The following DMXL1 variants were observed in gnomAD, a reference collection of about 807,000 sequenced individuals.
DMXL1 encodes the protein dmX-like protein 1.
In DMXL1, 99 loss-of-function variants were observed where a neutral mutation model predicts 319.2. The ratio of observed to expected loss-of-function variants is 0.31; its 90% CI spans 0.26 to 0.37. The LOEUF is 0.37. Among genes scored for constraint, DMXL1 ranks in the 10% least tolerant of loss-of-function variants. The pLI is 1.00. For synonymous variants in DMXL1, 1,385 were observed against 1,235.2 expected (o/e 1.12, Z -2.54); for missense variants, 3,745 against 3,595.6 (o/e 1.04, Z -1.06).
intron 17 of DMXL1, 113 bp downstream of exon 17, chr5:119,147,583 A>G: frequency 1.5e-6 from 1 of 688,126 alleles, no homozygotes; most frequent in East Asian, 2.7e-5. Flanking sequence ...AGAAATGGAA[A>G]TAATATATTC....
At chr5:119,134,822 GC>G (rs1345464655) in intron 13 of DMXL1, among the ~76,000 whole-genome samples, 1 of 152,208 alleles carries the variant, frequency 6.6e-6, no homozygotes, top group Non-Finnish European at 1.5e-5. Context: ...TAAGGCTTTT[GC>G]CTTATGACAG....
At chr5:119,198,826 G>C (rs184940687) in intron 32 of DMXL1, among the ~76,000 whole-genome samples, 2 of 152,170 alleles carry the variant, frequency 1.3e-5, no homozygotes, top group Non-Finnish European at 2.9e-5. Flanking sequence ...AACTCACATC[G>C]TGAGGATTTG....
At chr5:119,213,039 C>G (rs1783076015) in intron 34 of DMXL1, among the ~76,000 whole-genome samples, 2 of 152,202 alleles carry the variant, frequency 1.3e-5, no homozygotes, top group African/African-American at 4.8e-5. Flanking sequence ...GGAGGAAAAG[C>G]ACAAACCCTG....
In DMXL1 at chr5:119,237,432, A is replaced by AC; in HGVS notation, c.8559+20dup. On this transcript the variant is annotated intron_variant, in intron 40 of 43. Transcript: ENST00000539542. ...CATACCTGGTAAGCCAAGAATTTCTACCTTTAAATAAAATTTGAATTTTCA... is the reference window on the plus strand; with the variant it reads ...CATACCTGGTAAGCCAAGAATTTCTACCCTTTAAATAAAATTTGAATTTTCA... 1 of 1,482,152 alleles carries AC rather than the reference A, an allele frequency of 6.7e-7. No homozygotes were observed. Among genetic ancestry groups the AC allele is most frequent in the Non-Finnish European group, 9.3e-7 (1 of 1,072,420 alleles). 91.8% of individuals were successfully genotyped at this position (1,482,152 alleles called of 1,614,324 possible).
chr5:119,243,018 A>C (rs536644707), intron 42 of DMXL1, among the ~76,000 whole-genome samples: 1 of 152,186 alleles, frequency 6.6e-6, no homozygotes, highest in Non-Finnish European at 1.5e-5. Context: ...AATTGGATAG[A>C]AGTCAGAATA....
chr5:119,117,949 A>G (rs1427967225), intron 7 of DMXL1, among the ~76,000 whole-genome samples: 5 of 152,338 alleles, frequency 3.3e-5, no homozygotes, highest in South Asian at 4.1e-4. Flanking sequence ...TCAGATATGT[A>G]TGCTGGAACA....
At chr5:119,139,152 A>G (rs76719922) in intron 13 of DMXL1, among the ~76,000 whole-genome samples, 3,235 of 152,248 alleles carry the variant, frequency 0.021, 128 homozygotes, top group African/African-American at 0.073. Flanking sequence ...TTGAATGGAA[A>G]GATCACTACC....
intron 35 of DMXL1, among the ~76,000 whole-genome samples, chr5:119,218,845 A>G (rs954842556): frequency 6.6e-6 from 1 of 152,156 alleles, no homozygotes; most frequent in African/African-American, 2.4e-5. Flanking sequence ...AATGCCATTG[A>G]GATTTTTTTT....
At chr5:119,205,408 CATG>C (rs1182781165) in intron 33 of DMXL1, among the ~76,000 whole-genome samples, 4 of 152,006 alleles carry the variant, frequency 2.6e-5, no homozygotes. Context: ...TTTGGAGTTT[CATG>C]ATATCTCAAG....
At chr5:119,210,831 C>A (rs1782677646) in intron 34 of DMXL1, among the ~76,000 whole-genome samples, 1 of 144,852 alleles carries the variant, frequency 6.9e-6, no homozygotes. Context: ...AAGTGATCAC[C>A]AGCAGACATT....
chr5:119,096,798 G>T (rs1756076345), intron 1 of DMXL1, among the ~76,000 whole-genome samples: 1 of 152,190 alleles, frequency 6.6e-6, no homozygotes, highest in Non-Finnish European at 1.5e-5. Context: ...ACTTTCTTTT[G>T]TTGTGATGAC....
Position 119,148,771 on chromosome 5 carries a change from T to C in DMXL1, c.2944T>C (p.Cys982Arg), listed in dbSNP as rs1358552340. ...GAGTTCATCTTCTATATATCCTGCA[T>C]GCAGTGCTCCTTATTTATTGGCAAC... The part of the protein sequence containing the change: ...HLSSSSIYPA[C>R]SAPYLLATSC... Residue 982 changes from cysteine to arginine, a missense_variant, in exon 18 of 44, where the codon TGC becomes CGC. Transcript: ENST00000539542. The C allele has an allele frequency of 6.2e-7, 1 of 1,613,502 alleles. No homozygotes were observed. The highest frequency in any genetic ancestry group is 8.5e-7 in the Non-Finnish European group (1 of 1,179,600).
At chr5:119,120,633 C>G (rs1761837620) in intron 8 of DMXL1, among the ~76,000 whole-genome samples, 1 of 152,124 alleles carries the variant, frequency 6.6e-6, no homozygotes, top group African/African-American at 2.4e-5. Flanking sequence ...GTAGAGATAT[C>G]AGTCACAAAC....
intron 34 of DMXL1, among the ~76,000 whole-genome samples, chr5:119,211,308 G>A (rs1782767688): frequency 6.6e-6 from 1 of 151,994 alleles, no homozygotes; most frequent in Non-Finnish European, 1.5e-5. Context: ...TTAATTTTGG[G>A]GAATAATTTT....
chr5:119,147,231 T>G lies in DMXL1; in HGVS notation c.2690-18T>G, dbSNP rs1768769624. On this transcript the variant is annotated intron_variant, in intron 16 of 43. Coordinates refer to ENST00000539542, the MANE Select transcript of DMXL1 (RefSeq NM_001290321.3). ...GTTCCCCTGCCTCAGTTTTTGGTTCTTTTCTTATGTTTTGTAGATGAAAAA... is the reference window on the plus strand; with the variant it reads ...GTTCCCCTGCCTCAGTTTTTGGTTCGTTTCTTATGTTTTGTAGATGAAAAA... The G allele has an allele frequency of 6.2e-7, 1 of 1,604,030 alleles. No homozygotes were observed. The highest frequency in any genetic ancestry group is 2.2e-5 in the East Asian group (1 of 44,752).
chr5:119,227,592 A>G (rs1477362606), intron 38 of DMXL1, among the ~76,000 whole-genome samples: 1 of 151,942 alleles, frequency 6.6e-6, no homozygotes, highest in South Asian at 2.1e-4. Flanking sequence ...ATATATGTAC[A>G]GTACCAGGCC....
intron 7 of DMXL1, among the ~76,000 whole-genome samples, chr5:119,116,816 T>A (rs948165603): frequency 2.0e-5 from 3 of 152,034 alleles, no homozygotes; most frequent in Admixed American, 2.0e-4. Flanking sequence ...AAAGAGAGAG[T>A]AGGTTAATAC....
intron 1 of DMXL1, among the ~76,000 whole-genome samples, chr5:119,097,095 A>G (rs111655521): frequency 1.3e-4 from 20 of 152,354 alleles, no homozygotes; most frequent in Admixed American, 5.9e-4. Flanking sequence ...GACCAGGCAG[A>G]TAAAAGGCAG....
At chr5:119,115,079 T>C (rs1471660151) in intron 6 of DMXL1, among the ~76,000 whole-genome samples, 1 of 152,210 alleles carries the variant, frequency 6.6e-6, no homozygotes, top group African/African-American at 2.4e-5. Flanking sequence ...AAATCTGCCA[T>C]TTACCAGCTT....
Sources: allele counts gnomAD v4.1 joint callset (sites outside exome capture counted in the v4.1 genomes callset), GRCh38; gene constraint gnomAD v4.1.1; transcripts MANE v1.5; gene names NCBI Gene and HGNC (gene_info 2026-07-23, HGNC 2026-07-21).